Variants in WDR72 observed in about 807,000 individuals in gnomAD.
WDR72 encodes WD repeat domain 72, also known as WD repeat-containing protein 72.
WDR72 carries 120 observed loss-of-function variants against 124.2 expected under a neutral mutation model. The ratio of observed to expected loss-of-function variants is 0.97; its 90% CI spans 0.83 to 1.12. The LOEUF is 1.12. WDR72 is among the 50% of genes most tolerant of loss of function. WDR72 has a pLI of 0.00. For missense variants in WDR72, 1,387 were observed against 1,278.8 expected (o/e 1.08, Z -1.29); for synonymous variants, 452 against 441.7 (o/e 1.02, Z -0.29).
intron 2 of WDR72, among the ~76,000 whole-genome samples, chr15:53,724,583 C>T (rs2017967258): frequency 6.6e-6 from 1 of 152,138 alleles, no homozygotes; most frequent in Admixed American, 6.6e-5. Flanking sequence ...AACTTTTAAA[C>T]CATAGGATCT....
chr15:53,624,179 T>C (rs1355982545), intron 14 of WDR72, among the ~76,000 whole-genome samples: 1 of 152,104 alleles, frequency 6.6e-6, no homozygotes, highest in African/African-American at 2.4e-5. Flanking sequence ...AATTTCAGAA[T>C]GGCTGAAAGG....
Position 53,665,559 on chromosome 15 carries a change from G to A in WDR72, c.1962+13C>T. On this transcript the variant is annotated intron_variant, in intron 14 of 19. Transcript: ENST00000360509. Reference sequence around the variant, plus strand: ...TAATGTTCTTTGTGAACAACAGCTTGATTTGAACTTACCTTACATGAAGAC... The same window carrying A: ...TAATGTTCTTTGTGAACAACAGCTTAATTTGAACTTACCTTACATGAAGAC... 2 of 1,613,556 alleles carry A rather than the reference G, an allele frequency of 1.2e-6. No individual in the cohort carries two copies. Among genetic ancestry groups the A allele is most frequent in the Non-Finnish European group, 1.7e-6 (2 of 1,179,664 alleles).
intron 18 of WDR72, among the ~76,000 whole-genome samples, chr15:53,580,984 GCTA>G (rs1475946038): frequency 3.3e-5 from 5 of 151,928 alleles, no homozygotes; most frequent in Non-Finnish European, 7.4e-5. Context: ...CAATTGTTTA[GCTA>G]CTGTTAAATA....
intron 19 of WDR72, among the ~76,000 whole-genome samples, chr15:53,520,860 A>T (rs1166780348): frequency 6.6e-6 from 1 of 152,074 alleles, no homozygotes; most frequent in Non-Finnish European, 1.5e-5. Flanking sequence ...TCCATGTTCA[A>T]TTTTAAGAAT....
At chr15:53,734,567 C>T (rs948452454) in intron 1 of WDR72, among the ~76,000 whole-genome samples, 2 of 152,058 alleles carry the variant, frequency 1.3e-5, no homozygotes, top group Non-Finnish European at 2.9e-5. Context: ...AAATCCCAAG[C>T]AGTGAAAAAC....
At position 53,715,348 on chromosome 15, in the gene WDR72, C is replaced by T. The variant is rs144285622; in HGVS notation, c.359G>A (p.Arg120Gln). 2.4e-5 allele frequency: 39 copies of T among 1,614,076 alleles called. No homozygotes were observed. The highest frequency in any genetic ancestry group is 8.9e-5 in the East Asian group (4 of 44,862). ...AAGAAGCCAGCCTTCTCCTGTCATC[C>T]GGAATGAGCAGTGGTAATACTACGT... Reference protein sequence around the residue: ...TAICYYHCSFRMTGEGWLLCC... With the variant: ...TAICYYHCSFQMTGEGWLLCC... Residue 120 changes from arginine to glutamine, a missense_variant, in exon 5 of 20, where the codon CGG becomes CAG. Arg to Gln is a conservative substitution (Grantham distance 43). Coordinates refer to ENST00000360509, the MANE Select transcript of WDR72 (RefSeq NM_182758.4).
intron 18 of WDR72, among the ~76,000 whole-genome samples, chr15:53,535,708 T>A (rs912156214): frequency 2.6e-5 from 4 of 152,124 alleles, no homozygotes; most frequent in African/African-American, 4.8e-5. Context: ...TAGAATTCCA[T>A]TTCATTGACA....
At chr15:53,563,281 T>C (rs2140296339) in intron 18 of WDR72, among the ~76,000 whole-genome samples, 1 of 151,922 alleles carries the variant, frequency 6.6e-6, no homozygotes, top group African/African-American at 2.4e-5. Flanking sequence ...TTTATTAAAT[T>C]GGAAATTAGG....
chr15:53,523,309 C>T lies in WDR72; in HGVS notation c.3162G>A (p.Pro1054=), dbSNP rs143842578. The change falls in exon 19 of 20, where the codon CCG becomes CCA. Residue 1054 remains proline (P), a synonymous_variant. Coordinates refer to ENST00000360509, the MANE Select transcript of WDR72 (RefSeq NM_182758.4). ...NTLPLQTPVS[P]VKHDSNSNSA... is the part of the protein sequence containing the mutation. ...AGTTTGAGTTGCTGTCATGCTTGAC[C>T]GGGCTGACTGGAGCTATTAAAAGAG... 469 of 1,611,760 alleles carry T rather than the reference C, an allele frequency of 2.9e-4. No homozygotes were observed. Among genetic ancestry groups the T allele is most frequent in the Non-Finnish European group, 3.7e-4 (431 of 1,179,192 alleles).
At chr15:53,736,998 AACACACACACACACACACACAC>A (rs67659814) in intron 1 of WDR72, among the ~76,000 whole-genome samples, 189 of 141,230 alleles carry the variant, frequency 1.3e-3, no homozygotes, top group African/African-American at 2.7e-3. Flanking sequence ...GTAGATGTAA[AACACACACACACACACACACAC>A]ACACACACAC....
chr15:53,725,810 A>G (rs2018007072), intron 2 of WDR72, among the ~76,000 whole-genome samples: 1 of 152,160 alleles, frequency 6.6e-6, no homozygotes, highest in Non-Finnish European at 1.5e-5. Context: ...GGAGATAAAT[A>G]GATGGGGCAC....
chr15:53,628,310 A>G (rs1267945350), intron 14 of WDR72, among the ~76,000 whole-genome samples: 1 of 152,176 alleles, frequency 6.6e-6, no homozygotes, highest in Admixed American at 6.5e-5. Context: ...AAATTATGAA[A>G]TTTAAACTAT....
chr15:53,715,799 GA>G (rs1162701148), intron 4 of WDR72, among the ~76,000 whole-genome samples: 1 of 152,152 alleles, frequency 6.6e-6, no homozygotes, highest in Non-Finnish European at 1.5e-5. Context: ...CTGGGTGACA[GA>G]GCAAGACCCT....
At chr15:53,729,000 C>T (rs1263141323) in intron 2 of WDR72, among the ~76,000 whole-genome samples, 4 of 152,150 alleles carry the variant, frequency 2.6e-5, no homozygotes, top group East Asian at 1.9e-4. Flanking sequence ...CACTCTGAGA[C>T]GTGCAGAACT....
chr15:53,729,423 T>C (rs927125105), intron 2 of WDR72, among the ~76,000 whole-genome samples: 1 of 151,908 alleles, frequency 6.6e-6, no homozygotes, highest in Non-Finnish European at 1.5e-5. Flanking sequence ...ACATAAAATA[T>C]CCTCTAAAGC....
At chr15:53,552,154 T>G (rs1242757475) in intron 18 of WDR72, among the ~76,000 whole-genome samples, 1 of 115,058 alleles carries the variant, frequency 8.7e-6, no homozygotes, top group Non-Finnish European at 1.9e-5. Flanking sequence ...GTGTGTGTGT[T>G]TATGTATGTA....
Position 53,674,880 on chromosome 15 carries a change from TC to T in WDR72, c.1766-9113del, listed in dbSNP as rs535901521. Reference sequence around the variant, plus strand: ...AGCTGGGCCACATTCAACCCTCACGTCTAATTCTGACCACAGACCTCCAGAA... The same window carrying T: ...AGCTGGGCCACATTCAACCCTCACGTTAATTCTGACCACAGACCTCCAGAA... On this transcript the variant is annotated intron_variant, in intron 13 of 19. Coordinates refer to ENST00000360509, the MANE Select transcript of WDR72 (RefSeq NM_182758.4). Among the ~76,000 whole-genome samples, 480 of 151,860 alleles carry T rather than the reference TC, an allele frequency of 3.2e-3. 2 individuals are homozygous for T. Among genetic ancestry groups the T allele is most frequent in the African/African-American group, 0.011 (466 of 41,420 alleles).
At chr15:53,573,926 C>A (rs1894659397) in intron 18 of WDR72, among the ~76,000 whole-genome samples, 1 of 152,140 alleles carries the variant, frequency 6.6e-6, no homozygotes, top group Non-Finnish European at 1.5e-5. Context: ...AATTGATTCA[C>A]ATATCTCAGG....
intron 13 of WDR72, among the ~76,000 whole-genome samples, chr15:53,683,837 A>G (rs1279582040): frequency 6.6e-6 from 1 of 152,088 alleles, no homozygotes; most frequent in African/African-American, 2.4e-5. Context: ...TGGCAAATAA[A>G]ATAGCAGATT....
Sources: gnomAD v4.1 joint callset for allele counts (sites outside exome capture counted in the v4.1 genomes callset) on GRCh38, gnomAD v4.1.1 for gene constraint, MANE v1.5 for transcripts, NCBI Gene and HGNC (gene_info 2026-07-23, HGNC 2026-07-21) for gene names.